Variants in MAEL observed in about 807,000 individuals in gnomAD.
MAEL encodes the protein protein maelstrom homolog.
MAEL carries 46 observed loss-of-function variants against 62.0 expected under a neutral mutation model. That is an observed-to-expected ratio of 0.74 (90% CI 0.59 to 0.95). MAEL has a LOEUF of 0.95. Among genes scored for constraint, MAEL ranks in the 40% least tolerant of loss-of-function variants. The pLI is 0.00. For missense variants in MAEL, 497 were observed against 526.8 expected (o/e 0.94, Z 0.55); for synonymous variants, 172 against 175.5 (o/e 0.98, Z 0.16).
At chr1:167,000,207 A>G (rs953897527) in intron 5 of MAEL, among the ~76,000 whole-genome samples, 22 of 152,342 alleles carry the variant, frequency 1.4e-4, no homozygotes, top group African/African-American at 5.3e-4. Context: ...AGCAAAGTAA[A>G]TGGAAAACCT....
rs369227934 is a variant in MAEL at position 166,997,105 on chromosome 1, C to T, written c.523+3036C>T. Among the ~76,000 whole-genome samples the T allele has an allele frequency of 1.1e-4, 16 of 152,258 alleles. No homozygotes were observed. The South Asian group carries it at 2.3e-3, about 22-fold the overall frequency. ...TCTCCCAAAGTGCTGGGCTTACAGG[C>T]GTGAGCCACCACGCCTGGCCCCCCT... On this transcript the variant is annotated intron_variant, in intron 5 of 11. Transcript: ENST00000367872.
chr1:167,012,528 T>G (rs1035183355), intron 8 of MAEL: 1 of 152,204 alleles, frequency 6.6e-6, no homozygotes, highest in Admixed American at 6.5e-5. Flanking sequence ...AGAATTAATG[T>G]GGTCCCTGCC....
Position 166,992,834 on chromosome 1 carries a change from A to G in MAEL, c.474A>G (p.Ile158Met). ...TTATGGCAGATTTCCACAGTTTTATAAATCCTGGTAAGTAGTCAGAGTAGA... is the reference window on the plus strand; with the variant it reads ...TTATGGCAGATTTCCACAGTTTTATGAATCCTGGTAAGTAGTCAGAGTAGA... The part of the protein sequence containing the change: ...EGIMADFHSF[I>M]NPGEIPRGFR... The change falls in exon 4 of 12, where the codon ATA (isoleucine) becomes ATG (methionine). Residue 158 changes from isoleucine (I) to methionine (M), a missense_variant. By Grantham distance (10) the Ile-to-Met change is conservative. Coordinates refer to ENST00000367872, the MANE Select transcript of MAEL (RefSeq NM_032858.3). The G allele has an allele frequency of 6.3e-7, 1 of 1,592,314 alleles. No individual in the cohort carries two copies. Among genetic ancestry groups the G allele is most frequent in the Non-Finnish European group, 8.5e-7 (1 of 1,173,512 alleles).
intron 6 of MAEL, 37 bp from the exon 7 acceptor site, chr1:167,005,038 GT>G (rs765420845): frequency 7.5e-6 from 12 of 1,596,994 alleles, no homozygotes; most frequent in Non-Finnish European, 6.0e-6. Context: ...GATACAAGTA[GT>G]TTTTTTGTTT....
At chr1:166,990,037 A>C (rs1664099375) in intron 2 of MAEL, 2 of 537,370 alleles carry the variant, frequency 3.7e-6, no homozygotes, top group Admixed American at 3.6e-5. Flanking sequence ...ACATTGGTGT[A>C]ATTTGATGGT....
At chr1:167,004,631 A>G (rs1454260835) in intron 6 of MAEL, among the ~76,000 whole-genome samples, 1 of 152,178 alleles carries the variant, frequency 6.6e-6, no homozygotes, top group African/African-American at 2.4e-5. Context: ...CTATCTTTCG[A>G]AACAAGAATA....
chr1:167,004,126 C>T (rs1010992982), intron 5 of MAEL, 54 bp from the exon 6 acceptor site: 163 of 1,514,526 alleles, frequency 1.1e-4, no homozygotes, highest in Middle Eastern at 1.7e-4. Context: ...CTATACCTAC[C>T]CCATAATATT....
At chr1:166,998,637 C>A (rs1043423288) in intron 5 of MAEL, among the ~76,000 whole-genome samples, 1 of 152,170 alleles carries the variant, frequency 6.6e-6, no homozygotes, top group Non-Finnish European at 1.5e-5. Context: ...TCTCTCCCCA[C>A]CCCCGTTTTT....
intron 8 of MAEL, among the ~76,000 whole-genome samples, chr1:167,010,463 T>A (rs560431103): frequency 1.6e-4 from 24 of 152,230 alleles, no homozygotes; most frequent in Non-Finnish European, 2.9e-5. Flanking sequence ...TTTCTTTTTT[T>A]TAAAGAGAGT....
At chr1:167,020,563 C>G (rs1172497031) in intron 10 of MAEL, among the ~76,000 whole-genome samples, 1 of 152,108 alleles carries the variant, frequency 6.6e-6, no homozygotes, top group Non-Finnish European at 1.5e-5. Context: ...CATCTCTTCC[C>G]TCACCTTTGC....
upstream of MAEL, among the ~76,000 whole-genome samples, chr1:166,984,855 T>G (rs1009943359): frequency 6.6e-6 from 1 of 152,046 alleles, no homozygotes; most frequent in Non-Finnish European, 1.5e-5. Context: ...TTTCCCATTA[T>G]AAAAGCCACC....
Position 167,022,111 on chromosome 1 carries a change from C to A in MAEL, c.*256C>A. ...ATTAAAGTTTGGAGTCCTATATGAA[C>A]AAAACTGACATTTTTAGAGTTGTAC... On this transcript the variant is annotated 3_prime_UTR_variant, in exon 12 of 12. Coordinates refer to ENST00000367872, the MANE Select transcript of MAEL (RefSeq NM_032858.3). The A allele has an allele frequency of 2.9e-6, 1 of 339,222 alleles. No individual in the cohort carries two copies. Among genetic ancestry groups the A allele is most frequent in the Non-Finnish European group, 5.3e-6 (1 of 187,354 alleles). The allele number at this position is 339,222 out of a possible 1,614,324, so 21.0% of individuals were successfully genotyped here. A position where few individuals can be genotyped will look rare whatever the true frequency, so the allele number is the denominator to read the frequency against.
intron 1 of MAEL, 25 bp downstream of exon 1, chr1:166,989,509 G>T: frequency 6.3e-7 from 1 of 1,575,824 alleles, no homozygotes; most frequent in Non-Finnish European, 8.6e-7. Flanking sequence ...GAGTGAGAGG[G>T]CTGGGCAGGG....
intron 9 of MAEL, 139 bp from the exon 10 acceptor site, chr1:167,017,688 C>T: frequency 1.6e-6 from 1 of 643,558 alleles, no homozygotes; most frequent in African/African-American, 1.8e-5. Context: ...TATATGTCTT[C>T]TCTGAATCTC....
intron 1 of MAEL, among the ~76,000 whole-genome samples, chr1:166,977,956 A>AT (rs60676265): frequency 0.31 from 46,627 of 151,996 alleles, 8,466 homozygotes; most frequent in African/African-American, 0.52. Flanking sequence ...GTCTCAAAAA[A>AT]AATGGCATTT....
chr1:166,978,952 T>A (rs1234584174), intron 1 of MAEL, among the ~76,000 whole-genome samples: 1 of 150,946 alleles, frequency 6.6e-6, no homozygotes, highest in Admixed American at 6.6e-5. Context: ...GTGGGGGGAC[T>A]AACAGGCTGC....
At chr1:167,004,342 T>G (rs1384156256) in intron 6 of MAEL, 38 bp downstream of exon 6, 2 of 1,539,806 alleles carry the variant, frequency 1.3e-6, no homozygotes, top group African/African-American at 2.8e-5. Context: ...AGGTATCAAT[T>G]TATAGTACCA....
intron 8 of MAEL, among the ~76,000 whole-genome samples, chr1:167,011,189 C>G (rs1223657143): frequency 6.6e-6 from 1 of 152,076 alleles, no homozygotes; most frequent in African/African-American, 2.4e-5. Context: ...CTTCCTTCCC[C>G]AAGTTTTTTC....
chr1:166,989,886 A>T (rs1232089964), intron 2 of MAEL, 57 bp downstream of exon 2: 9 of 1,349,224 alleles, frequency 6.7e-6, no homozygotes, highest in Non-Finnish European at 9.3e-6. Context: ...TATTCAGTAA[A>T]GGCTGGATGA....
Sources: gnomAD v4.1 joint callset for allele counts (sites outside exome capture counted in the v4.1 genomes callset) on GRCh38, gnomAD v4.1.1 for gene constraint, MANE v1.5 for transcripts, NCBI Gene and HGNC (gene_info 2026-07-23, HGNC 2026-07-21) for gene names.